EXOC4: variants seen among roughly 807,000 people sequenced by gnomAD.
EXOC4 encodes exocyst complex component 4.
EXOC4 carries 71 observed loss-of-function variants against 107.2 expected under a neutral mutation model. The observed-to-expected ratio is 0.66, with a 90% CI of 0.55 to 0.81. The LOEUF (loss-of-function observed/expected upper bound fraction) is 0.81, where lower values mean the gene tolerates loss of function less well. Among genes scored for constraint, EXOC4 ranks in the 30% least tolerant of loss-of-function variants. The probability of loss-of-function intolerance (pLI) is 0.00; values close to 1 mark genes in which losing one functional copy is unlikely to be tolerated. For synonymous variants in EXOC4, 456 were observed against 441.2 expected (o/e 1.03, Z -0.42); for missense variants, 1,108 against 1,189.6 (o/e 0.93, Z 1.01).
At chr7:133,796,645 A>G (rs929936471) in intron 10 of EXOC4, among the ~76,000 whole-genome samples, 3 of 152,040 alleles carry the variant, frequency 2.0e-5, no homozygotes, top group African/African-American at 7.2e-5. Flanking sequence ...GTAGTCCCAG[A>G]TACTCTGGAG....
At chr7:134,030,605 A>T (rs1475554187) in intron 17 of EXOC4, among the ~76,000 whole-genome samples, 1 of 152,148 alleles carries the variant, frequency 6.6e-6, no homozygotes, top group Non-Finnish European at 1.5e-5. Flanking sequence ...TATTTCGTAC[A>T]GATTTAATGA....
chr7:133,492,514 C>T (rs1799391433), intron 9 of EXOC4, among the ~76,000 whole-genome samples: 1 of 152,148 alleles, frequency 6.6e-6, no homozygotes, highest in Non-Finnish European at 1.5e-5. Context: ...AATCTTTTAT[C>T]TTTCCCTCAA....
Position 133,845,334 on chromosome 7 carries a change from T to TGTGTG in EXOC4, c.1734+27790_1734+27791insGTGTG, listed in dbSNP as rs757397253. The stretch of plus-strand genomic sequence containing the variant: ...CCAACTAGCATGATAGGCAGGTTAG[T>TGTGTG]AGTGTGTGTGTGTGTGTGTGTGTGT... On this transcript the variant is annotated intron_variant, in intron 11 of 17. Coordinates refer to ENST00000253861, the MANE Select transcript of EXOC4 (RefSeq NM_021807.4). Among the ~76,000 whole-genome samples the TGTGTG allele has an allele frequency of 1.3e-3, 175 of 136,806 alleles. No individual in the cohort carries two copies. In the Middle Eastern group the frequency reaches 0.019, roughly 14 times the overall value. The allele number at this position is 136,806 out of a possible 152,430, so 89.8% of individuals were successfully genotyped here.
chr7:133,955,182 C>T (rs1327390678), intron 14 of EXOC4, among the ~76,000 whole-genome samples: 1 of 152,204 alleles, frequency 6.6e-6, no homozygotes, highest in Non-Finnish European at 1.5e-5. Flanking sequence ...GTCCTGCATC[C>T]AGGAAGAATG....
rs149179626 is a variant in EXOC4 at position 133,566,526 on chromosome 7, G to A, written c.1418-63519G>A. Among the ~76,000 whole-genome samples the A allele has an allele frequency of 7.0e-3, 1,058 of 152,228 alleles. 11 individuals are homozygous for A. The highest frequency in any genetic ancestry group is 0.024 in the African/African-American group (1,011 of 41,546). On this transcript the variant is annotated intron_variant, in intron 9 of 17. Transcript: ENST00000253861. Reference sequence around the variant, plus strand: ...TTAGTGGGTAAATTGTTAAGACATTGTTAACAAATCCTCTGAGCCAAGTTT... The same window carrying A: ...TTAGTGGGTAAATTGTTAAGACATTATTAACAAATCCTCTGAGCCAAGTTT...
chr7:133,880,916 TTTGA>T (rs1235667470), intron 11 of EXOC4, among the ~76,000 whole-genome samples: 2 of 152,234 alleles, frequency 1.3e-5, no homozygotes, highest in Non-Finnish European at 2.9e-5. Flanking sequence ...ATATAGTTTT[TTTGA>T]TTGTCTAAAA....
At chr7:133,460,084 T>C (rs1798554799) in intron 7 of EXOC4, among the ~76,000 whole-genome samples, 2 of 152,214 alleles carry the variant, frequency 1.3e-5, no homozygotes, top group African/African-American at 2.4e-5. Flanking sequence ...ACCAGTTTCA[T>C]GGAAGAGAGT....
intron 9 of EXOC4, among the ~76,000 whole-genome samples, chr7:133,532,287 A>G (rs1017466661): frequency 7.9e-5 from 12 of 152,082 alleles, no homozygotes; most frequent in Non-Finnish European, 1.6e-4. Flanking sequence ...TCATCAATAT[A>G]TGACCCATCA....
intron 17 of EXOC4, among the ~76,000 whole-genome samples, chr7:134,043,781 AGTT>A (rs937296771): frequency 5.9e-5 from 9 of 152,144 alleles, no homozygotes; most frequent in Admixed American, 5.2e-4. Context: ...AATGTAGGGT[AGTT>A]GTTGAGAAGG....
At chr7:133,422,070 T>C (rs1031575812) in intron 7 of EXOC4, among the ~76,000 whole-genome samples, 1 of 152,186 alleles carries the variant, frequency 6.6e-6, no homozygotes, top group Admixed American at 6.5e-5. Flanking sequence ...GATTAAAAAT[T>C]TCATTTTTTT....
intron 10 of EXOC4, among the ~76,000 whole-genome samples, chr7:133,720,253 T>C (rs955467101): frequency 6.6e-6 from 1 of 152,182 alleles, no homozygotes; most frequent in African/African-American, 2.4e-5. Flanking sequence ...AGCCTTGATT[T>C]CCTTATCTGA....
chr7:134,076,354 A>G, the EXOC4 span, among the ~76,000 whole-genome samples: 1 of 152,156 alleles, frequency 6.6e-6, no homozygotes, highest in Non-Finnish European at 1.5e-5. Context: ...CGTCTCTACT[A>G]AAAATACAGA....
chr7:133,759,815 G>T (rs914301976), intron 10 of EXOC4, among the ~76,000 whole-genome samples: 1 of 152,166 alleles, frequency 6.6e-6, no homozygotes, highest in African/African-American at 2.4e-5. Flanking sequence ...GGGGTGGTCA[G>T]AGTTTAGGAA....
At chr7:133,261,706 G>C (rs1268626545) in intron 1 of EXOC4, among the ~76,000 whole-genome samples, 1 of 152,090 alleles carries the variant, frequency 6.6e-6, no homozygotes, top group Non-Finnish European at 1.5e-5. Flanking sequence ...TGCTAGTTAG[G>C]AGCAGAGCAA....
intron 10 of EXOC4, among the ~76,000 whole-genome samples, chr7:133,784,293 C>T (rs1585142589): frequency 6.6e-6 from 1 of 152,232 alleles, no homozygotes; most frequent in South Asian, 2.1e-4. Context: ...CAGAAAAATG[C>T]ACCTTTGATA....
At chr7:133,302,698 T>C (rs539373349) in intron 3 of EXOC4, among the ~76,000 whole-genome samples, 1 of 152,324 alleles carries the variant, frequency 6.6e-6, no homozygotes, top group African/African-American at 2.4e-5. Flanking sequence ...TATATATTTG[T>C]GACATTATTC....
intron 10 of EXOC4, among the ~76,000 whole-genome samples, chr7:133,670,549 G>T (rs1178653816): frequency 6.6e-6 from 1 of 150,988 alleles, no homozygotes. Flanking sequence ...TTTGTCAGGG[G>T]CATGAGCCTC....
chr7:134,048,931 T>TC (rs1278427365), intron 17 of EXOC4, among the ~76,000 whole-genome samples: 1 of 147,530 alleles, frequency 6.8e-6, no homozygotes, highest in East Asian at 2.0e-4. Flanking sequence ...AGGTCCATCC[T>TC]CCATGCTGCA....
chr7:133,337,474 G>T (rs1795544563), intron 5 of EXOC4, among the ~76,000 whole-genome samples: 1 of 151,838 alleles, frequency 6.6e-6, no homozygotes, highest in South Asian at 2.1e-4. Flanking sequence ...TTTGTCTCTA[G>T]TGAGATGTAA....
Sources: allele counts gnomAD v4.1 joint callset (sites outside exome capture counted in the v4.1 genomes callset), GRCh38; gene constraint gnomAD v4.1.1; transcripts MANE v1.5; gene names NCBI Gene and HGNC (gene_info 2026-07-23, HGNC 2026-07-21).